The following CCSER1 variants were observed in gnomAD, a reference collection of about 807,000 sequenced individuals.
The protein encoded by CCSER1 is coiled-coil serine rich protein 1.
A neutral mutation model predicts 82.0 loss-of-function variants in CCSER1; 41 were observed. The observed-to-expected ratio is 0.50, with a 90% CI of 0.39 to 0.65. The LOEUF (loss-of-function observed/expected upper bound fraction) is 0.65, where lower values mean the gene tolerates loss of function less well. Ranked by LOEUF, CCSER1 falls within the 30% of genes least tolerant of loss-of-function variation. The pLI, the probability that CCSER1 is intolerant of heterozygous loss-of-function variation, is 0.00. For synonymous variants in CCSER1, 414 were observed against 383.9 expected, an observed-to-expected ratio of 1.08 and a Z score of -0.92; for missense variants, 1,119 against 1,064.2, an observed-to-expected ratio of 1.05 and a Z score of -0.72.
intron 10 of CCSER1, among the ~76,000 whole-genome samples, chr4:91,523,067 A>T (rs1368626311): frequency 6.6e-6 from 1 of 152,124 alleles, no homozygotes; most frequent in African/African-American, 2.4e-5. Context: ...TAGTTTATTG[A>T]GAGTTTTTAG....
intron 3 of CCSER1, among the ~76,000 whole-genome samples, chr4:90,372,885 G>C (rs115635457): frequency 0.015 from 2,215 of 150,686 alleles, 76 homozygotes; most frequent in African/African-American, 0.05. Flanking sequence ...AATGATATAA[G>C]TCTGATGCTT....
chr4:90,913,114 A>T (rs928859461), intron 8 of CCSER1, among the ~76,000 whole-genome samples: 1 of 152,160 alleles, frequency 6.6e-6, no homozygotes, highest in African/African-American at 2.4e-5. Context: ...CAGGCCAACA[A>T]TCAAATTCAG....
intron 5 of CCSER1, among the ~76,000 whole-genome samples, chr4:90,493,168 T>C (rs535134185): frequency 1.3e-5 from 2 of 152,212 alleles, no homozygotes; most frequent in African/African-American, 4.8e-5. Context: ...GTATCAGTGA[T>C]TGAAGATCAA....
chr4:91,413,398 G>A (rs1339058810), intron 10 of CCSER1, among the ~76,000 whole-genome samples: 1 of 151,884 alleles, frequency 6.6e-6, no homozygotes, highest in East Asian at 1.9e-4. Context: ...AATTCAAGGT[G>A]ACAGTGAGCT....
intron 10 of CCSER1, among the ~76,000 whole-genome samples, chr4:91,146,402 A>G (rs1379230993): frequency 6.6e-6 from 1 of 152,022 alleles, no homozygotes; most frequent in Non-Finnish European, 1.5e-5. Context: ...TGTCACCCTG[A>G]TTCTGAATTT....
At position 91,378,767 on chromosome 4, in the gene CCSER1, G is replaced by T. The variant is rs532364877; in HGVS notation, c.2218-219805G>T. Among the ~76,000 whole-genome samples the T allele has an allele frequency of 3.5e-4, 54 of 152,188 alleles. No homozygotes were observed. In the South Asian group the frequency reaches 5.8e-3, roughly 16 times the overall value. On this transcript the variant is annotated intron_variant, in intron 10 of 10. Transcript: ENST00000509176. ...TTCTTTCTCCTGCCTTATTGCCCTG[G>T]CCAGAACTTCCAACCCTATGTTGAA... is the stretch of plus-strand genomic sequence containing the variant.
At chr4:90,768,388 T>C (rs2149551002) in intron 7 of CCSER1, among the ~76,000 whole-genome samples, 1 of 152,336 alleles carries the variant, frequency 6.6e-6, no homozygotes, top group East Asian at 1.9e-4. Flanking sequence ...GCCTAATTTC[T>C]GACCCACAGA....
Position 91,041,209 on chromosome 4 carries a change from A to T in CCSER1, c.2173-44741A>T, listed in dbSNP as rs181300674. 9.9e-4 allele frequency among the ~76,000 whole-genome samples: 151 copies of T among 152,290 alleles called. 1 individual carries two copies. The highest frequency in any genetic ancestry group is 3.3e-3 in the African/African-American group (139 of 41,578). Reference sequence around the variant, plus strand: ...CTTTTGTGTGGCACCATCAGTCATGACATAAGTCCCAGGTTCTCATCCCTG... The same window carrying T: ...CTTTTGTGTGGCACCATCAGTCATGTCATAAGTCCCAGGTTCTCATCCCTG... On this transcript the variant is annotated intron_variant, in intron 9 of 10. Coordinates refer to ENST00000509176, the MANE Select transcript of CCSER1 (RefSeq NM_001145065.2).
intron 10 of CCSER1, among the ~76,000 whole-genome samples, chr4:91,162,386 A>T (rs1731511270): frequency 6.6e-6 from 1 of 152,190 alleles, no homozygotes; most frequent in South Asian, 2.1e-4. Context: ...CTCATCTAAA[A>T]TTCTCTTTTT....
intron 10 of CCSER1, among the ~76,000 whole-genome samples, chr4:91,382,831 AT>A (rs1395718905): frequency 1.3e-5 from 2 of 152,036 alleles, no homozygotes; most frequent in East Asian, 1.9e-4. Flanking sequence ...AGCTCTTCCT[AT>A]TTGGCCGTCT....
At chr4:90,467,852 G>A (rs1357492345) in intron 4 of CCSER1, among the ~76,000 whole-genome samples, 3 of 152,174 alleles carry the variant, frequency 2.0e-5, no homozygotes, top group Admixed American at 1.3e-4. Flanking sequence ...TACCACAGGA[G>A]GATTTAGGGT....
At chr4:91,206,298 T>A (rs1227514688) in intron 10 of CCSER1, among the ~76,000 whole-genome samples, 1 of 151,906 alleles carries the variant, frequency 6.6e-6, no homozygotes, top group Non-Finnish European at 1.5e-5. Context: ...CAGTAGGCAT[T>A]CTTGTATGCT....
chr4:91,016,472 C>T (rs559093799), intron 9 of CCSER1, among the ~76,000 whole-genome samples: 4 of 152,034 alleles, frequency 2.6e-5, no homozygotes, highest in South Asian at 2.1e-4. Context: ...AAATTAACTT[C>T]CTTATTATTA....
At chr4:90,537,219 A>T (rs536666670) in intron 5 of CCSER1, among the ~76,000 whole-genome samples, 2 of 151,996 alleles carry the variant, frequency 1.3e-5, no homozygotes, top group Non-Finnish European at 2.9e-5. Context: ...GCATTGTTTT[A>T]TTTTTCTTAC....
intron 9 of CCSER1, among the ~76,000 whole-genome samples, chr4:91,063,556 C>T (rs1281879407): frequency 1.3e-5 from 2 of 152,046 alleles, no homozygotes; most frequent in African/African-American, 4.8e-5. Flanking sequence ...TTTTCTTATT[C>T]TTAGGCAGTT....
chr4:90,128,793 G>A (rs2153306546), intron 1 of CCSER1, among the ~76,000 whole-genome samples: 1 of 151,982 alleles, frequency 6.6e-6, no homozygotes, highest in Admixed American at 6.5e-5. Flanking sequence ...AAATTTCTTG[G>A]GGTTTCCTTT....
At chr4:90,943,078 A>T (rs1731785905) in intron 9 of CCSER1, among the ~76,000 whole-genome samples, 1 of 151,716 alleles carries the variant, frequency 6.6e-6, no homozygotes, top group Admixed American at 6.6e-5. Flanking sequence ...GGTCGGGGAG[A>T]GTGAATGAAC....
At chr4:90,660,353 A>C (rs1255670353) in intron 6 of CCSER1, among the ~76,000 whole-genome samples, 1 of 152,112 alleles carries the variant, frequency 6.6e-6, no homozygotes, top group African/African-American at 2.4e-5. Context: ...CATAGCCATA[A>C]AAAGAAGGAA....
chr4:90,273,387 A>G (rs908076829), intron 1 of CCSER1, among the ~76,000 whole-genome samples: 1 of 152,266 alleles, frequency 6.6e-6, no homozygotes, highest in Non-Finnish European at 1.5e-5. Context: ...AACACAAAGG[A>G]TCAGGGCTTG....
Sources: allele counts gnomAD v4.1 joint callset (sites outside exome capture counted in the v4.1 genomes callset), GRCh38; gene constraint gnomAD v4.1.1; transcripts MANE v1.5; gene names NCBI Gene and HGNC (gene_info 2026-07-23, HGNC 2026-07-21).